TRAPPC11: variants seen among roughly 807,000 people sequenced by gnomAD.
TRAPPC11 encodes the protein trafficking protein particle complex subunit 11.
A neutral mutation model predicts 151.2 loss-of-function variants in TRAPPC11; 104 were observed. The ratio of observed to expected loss-of-function variants is 0.69; its 90% CI spans 0.59 to 0.81. TRAPPC11 has a LOEUF of 0.81. Ranked by LOEUF, TRAPPC11 falls within the 30% of genes least tolerant of loss-of-function variation. The pLI, the probability that TRAPPC11 is intolerant of heterozygous loss-of-function variation, is 0.00. For synonymous variants in TRAPPC11, 456 were observed against 472.3 expected (o/e 0.97, Z 0.45); for missense variants, 1,230 against 1,349.6 (o/e 0.91, Z 1.39).
At chr4:183,687,386 C>CTAGA (rs1736037324) in intron 18 of TRAPPC11, among the ~76,000 whole-genome samples, 1 of 151,860 alleles carries the variant, frequency 6.6e-6, no homozygotes. Flanking sequence ...GTTGCCCAGG[C>CTAGA]TAGAGTGCAT....
At chr4:183,701,935 G>A in intron 26 of TRAPPC11, 127 bp downstream of exon 26, 1 of 680,164 alleles carries the variant, frequency 1.5e-6, no homozygotes, top group Non-Finnish European at 2.6e-6. Context: ...ATGTGGATAT[G>A]AACACAAACC....
intron 2 of TRAPPC11, among the ~76,000 whole-genome samples, chr4:183,665,244 G>A (rs545905241): frequency 0.014 from 2,065 of 151,744 alleles, 19 homozygotes; most frequent in Non-Finnish European, 0.016. Flanking sequence ...ACAGGCGCCC[G>A]CCACCACGTC....
At chr4:183,669,873 C>T (rs1404886707) in intron 5 of TRAPPC11, among the ~76,000 whole-genome samples, 1 of 152,206 alleles carries the variant, frequency 6.6e-6, no homozygotes, top group Non-Finnish European at 1.5e-5. Flanking sequence ...AGAGGATGGG[C>T]CTCTGCCCTT....
rs945209441 is a variant in TRAPPC11, at chr4:183,674,925, A to G, written c.660+113A>G. On this transcript the variant is annotated intron_variant, in intron 6 of 29. Transcript: ENST00000334690. Reference sequence around the variant, plus strand: ...TGTTTTAAATGGTTTCAGCATTTCTAAAGTTTTTTTCAATGCTTTTAAAAA... The same window carrying G: ...TGTTTTAAATGGTTTCAGCATTTCTGAAGTTTTTTTCAATGCTTTTAAAAA... The G allele has an allele frequency of 8.8e-6, 6 of 682,666 alleles. No homozygotes were observed. The South Asian group carries it at 1.2e-4, about 14-fold the overall frequency. The allele number at this position is 682,666 out of a possible 1,614,324, so 42.3% of individuals were successfully genotyped here.
chr4:183,708,764 T>C (rs927307693), intron 29 of TRAPPC11, among the ~76,000 whole-genome samples, 190 bp downstream of exon 29: 1 of 152,244 alleles, frequency 6.6e-6, no homozygotes, highest in African/African-American at 2.4e-5. Flanking sequence ...TCAAAGATTG[T>C]ATTTCCTTAG....
chr4:183,663,779 C>T (rs1734690882), intron 1 of TRAPPC11, 68 bp from the exon 2 acceptor site: 2 of 443,762 alleles, frequency 4.5e-6, no homozygotes, highest in East Asian at 6.6e-5. Flanking sequence ...GCTCTTGTTG[C>T]CCAGGCTGGA....
At chr4:183,677,938 A>T (rs1227564727) in intron 8 of TRAPPC11, among the ~76,000 whole-genome samples, 1 of 130,110 alleles carries the variant, frequency 7.7e-6, no homozygotes, top group Non-Finnish European at 1.6e-5. Context: ...CCTTAGAGGA[A>T]ACTTTTTTTT....
chr4:183,699,139 C>G (rs2111082097), intron 25 of TRAPPC11, among the ~76,000 whole-genome samples: 1 of 152,316 alleles, frequency 6.6e-6, no homozygotes, highest in East Asian at 1.9e-4. Flanking sequence ...AGGCTGTCTA[C>G]TGCCCTTTGC....
At chr4:183,676,161 T>C (rs1446952239) in intron 7 of TRAPPC11, among the ~76,000 whole-genome samples, 1 of 152,156 alleles carries the variant, frequency 6.6e-6, no homozygotes, top group Non-Finnish European at 1.5e-5. Flanking sequence ...TTCATTTTTT[T>C]TTTTTGAGAC....
chr4:183,688,613 CT>C (rs1214451015), intron 18 of TRAPPC11, among the ~76,000 whole-genome samples: 2 of 152,220 alleles, frequency 1.3e-5, no homozygotes, highest in African/African-American at 4.8e-5. Context: ...AGAAATATCT[CT>C]GTAATAGAAA....
chr4:183,662,318 T>G (rs1734593190), intron 1 of TRAPPC11, among the ~76,000 whole-genome samples: 1 of 137,280 alleles, frequency 7.3e-6, no homozygotes, highest in African/African-American at 2.8e-5. Flanking sequence ...ATTGGGCCAG[T>G]GCACTCCAGC....
At chr4:183,684,560 A>G in intron 14 of TRAPPC11, 136 bp from the exon 15 acceptor site, 10 of 1,059,754 alleles carry the variant, frequency 9.4e-6, no homozygotes, top group African/African-American at 1.6e-5. Context: ...TTAGCTAAAT[A>G]TGAGAATACC....
At chr4:183,705,152 C>T (rs1343486631) in intron 27 of TRAPPC11, 82 bp downstream of exon 27, 10 of 1,034,406 alleles carry the variant, frequency 9.7e-6, no homozygotes, top group Non-Finnish European at 1.4e-5. Context: ...GTTATTTTAA[C>T]ATTCTATTTA....
rs894049834 is a variant in TRAPPC11 at position 183,713,310 on chromosome 4, A to T, written c.*666A>T. The stretch of plus-strand genomic sequence containing the variant: ...TAAAATCCTCATCGGAAAAGATCCA[A>T]AGTGCAAGGATTTGATTATAAACAT... On this transcript the variant is annotated 3_prime_UTR_variant, in exon 30 of 30. Coordinates refer to ENST00000334690, the MANE Select transcript of TRAPPC11 (RefSeq NM_021942.6). The T allele has an allele frequency of 1.3e-5, 2 of 152,518 alleles. No homozygotes were observed. Among genetic ancestry groups the T allele is most frequent in the Non-Finnish European group, 1.5e-5 (1 of 68,042 alleles). 9.4% of individuals were successfully genotyped at this position (152,518 alleles called of 1,614,324 possible).
At position 183,712,652 on chromosome 4, in the gene TRAPPC11, G is replaced by A; in HGVS notation, c.*8G>A. ...TCTATTGCTGCTGCATGATGTTCAA[G>A]ACCGGCCCTTGGCTGTTGTTACAGA... On this transcript the variant is annotated 3_prime_UTR_variant, in exon 30 of 30. Coordinates refer to ENST00000334690, the MANE Select transcript of TRAPPC11 (RefSeq NM_021942.6). 6.2e-7 allele frequency: 1 copy of A among 1,614,124 alleles called. No homozygotes were observed. The highest frequency in any genetic ancestry group is 1.1e-5 in the South Asian group (1 of 91,076).
At chr4:183,680,069 G>C in intron 9 of TRAPPC11, 51 bp from the exon 10 acceptor site, 1 of 1,520,788 alleles carries the variant, frequency 6.6e-7, no homozygotes, top group Non-Finnish European at 9.0e-7. Context: ...CCAGAAATAA[G>C]CTTCTTTTTC....
chr4:183,708,375 A>T (rs2111105504), intron 28 of TRAPPC11, 32 bp from the exon 29 acceptor site: 3 of 1,601,266 alleles, frequency 1.9e-6, no homozygotes, highest in Non-Finnish European at 2.6e-6. Flanking sequence ...TGTGTATTTG[A>T]TTATCTTTCT....
In TRAPPC11 at chr4:183,668,128, G is replaced by A; in HGVS notation, c.560+11G>A. On this transcript the variant is annotated intron_variant, in intron 5 of 29. Coordinates refer to ENST00000334690, the MANE Select transcript of TRAPPC11 (RefSeq NM_021942.6). ...GGGTTATATTATAAGGTAAGTAGAG[G>A]TCTTTTAAAGTTTTGTTTTTTTAGA... 1 of 1,478,820 alleles carries A rather than the reference G, an allele frequency of 6.8e-7. No homozygotes were observed. Among genetic ancestry groups the A allele is most frequent in the Non-Finnish European group, 9.3e-7 (1 of 1,080,380 alleles). 91.6% of individuals were successfully genotyped at this position (1,478,820 alleles called of 1,614,324 possible).
intron 29 of TRAPPC11, among the ~76,000 whole-genome samples, chr4:183,711,745 A>G (rs1737350984): frequency 9.9e-6 from 1 of 100,914 alleles, no homozygotes; most frequent in Non-Finnish European, 2.6e-5. Flanking sequence ...TTCTGCTTAA[A>G]GCATAGCAAA....
Sources: gnomAD v4.1 joint callset for allele counts (sites outside exome capture counted in the v4.1 genomes callset) on GRCh38, gnomAD v4.1.1 for gene constraint, MANE v1.5 for transcripts, NCBI Gene and HGNC (gene_info 2026-07-23, HGNC 2026-07-21) for gene names.